ANO5: variants seen among roughly 807,000 people sequenced by gnomAD.
ANO5 encodes anoctamin-5.
A neutral mutation model predicts 121.0 loss-of-function variants in ANO5; 109 were observed. The ratio of observed to expected loss-of-function variants is 0.90; its 90% confidence interval spans 0.77 to 1.06. The LOEUF (loss-of-function observed/expected upper bound fraction) is 1.06, where lower values mean the gene tolerates loss of function less well. Among genes scored for constraint, ANO5 ranks in the 50% least tolerant of loss-of-function variants. ANO5 has a pLI of 0.00. For synonymous variants in ANO5, 406 were observed against 359.9 expected, an observed-to-expected ratio of 1.13 and a Z score of -1.45; for missense variants, 1,064 against 1,078.5, an observed-to-expected ratio of 0.99 and a Z score of 0.19.
At chr11:22,250,594 A>T (rs1054453959) in intron 10 of ANO5, 147 bp from the exon 11 acceptor site, 44 of 1,022,536 alleles carry the variant, frequency 4.3e-5, no homozygotes, top group Middle Eastern at 5.5e-4. Context: ...TCCTCAAAGC[A>T]TGACTTGACC....
intron 1 of ANO5, among the ~76,000 whole-genome samples, chr11:22,198,061 G>A (rs1449540384): frequency 6.6e-6 from 1 of 152,208 alleles, no homozygotes; most frequent in Non-Finnish European, 1.5e-5. Flanking sequence ...GTGCATACAT[G>A]TGAGAGAGCT....
At chr11:22,206,393 T>C (rs1852123064) in intron 2 of ANO5, among the ~76,000 whole-genome samples, 1 of 152,102 alleles carries the variant, frequency 6.6e-6, no homozygotes, top group Non-Finnish European at 1.5e-5. Flanking sequence ...CTTGGCTCAC[T>C]GCAACCTCCA....
Position 22,263,661 on chromosome 11 carries a change from A to T in ANO5, c.1898+618A>T, listed in dbSNP as rs568228530. Among the ~76,000 whole-genome samples the T allele has an allele frequency of 2.2e-4, 34 of 152,322 alleles. No individual in the cohort carries two copies. In the South Asian group the frequency reaches 6.8e-3, roughly 31 times the overall value. On this transcript the variant is annotated intron_variant, in intron 17 of 21. Transcript: ENST00000324559. Reference sequence around the variant, plus strand: ...AATTGTCATGGATAAAAAGAGAAAGAATTATAAAATCGTAAGTCTACGATC... The same window carrying T: ...AATTGTCATGGATAAAAAGAGAAAGTATTATAAAATCGTAAGTCTACGATC...
intron 21 of ANO5, chr11:22,277,877 T>G (rs1854926167): frequency 6.6e-6 from 1 of 150,718 alleles, no homozygotes; most frequent in Non-Finnish European, 1.5e-5. Context: ...CCATTTTTGG[T>G]TTACTAGCTT....
intron 17 of ANO5, 74 bp from the exon 18 acceptor site, chr11:22,270,238 A>G: frequency 1.3e-6 from 2 of 1,569,066 alleles, no homozygotes; most frequent in Admixed American, 1.7e-5. Context: ...CAGTTTCCAG[A>G]TCTAACACTC....
intron 2 of ANO5, among the ~76,000 whole-genome samples, chr11:22,206,989 T>C (rs778062481): frequency 5.3e-4 from 81 of 152,024 alleles, no homozygotes; most frequent in Admixed American, 1.1e-3. Flanking sequence ...GACATGACGA[T>C]GTACATAGAA....
intron 7 of ANO5, among the ~76,000 whole-genome samples, chr11:22,227,805 G>A (rs940752762): frequency 3.9e-5 from 6 of 152,046 alleles, no homozygotes; most frequent in African/African-American, 1.4e-4. Flanking sequence ...GTGGTTGATG[G>A]TATGGATGTA....
rs1403946332 is a variant in ANO5 at position 22,259,520 on chromosome 11, T to C, written c.1409T>C (p.Met470Thr). 1.9e-6 allele frequency: 3 copies of C among 1,613,830 alleles called. No homozygotes were observed. Among genetic ancestry groups the C allele is most frequent in the East Asian group, 4.5e-5 (2 of 44,870 alleles). ...FLSGATVTLWMSLVVTSMVAV... is the reference protein window; with the variant it reads ...FLSGATVTLWTSLVVTSMVAV... ...CAGTTCTTTGTTTTCCTTTCCCAGA[T>C]GTCTCTTGTCGTCACCAGTATGGTA... Residue 470 changes from methionine (M) to threonine (T), a missense_variant and splice_region_variant, in exon 15 of 22, where the codon ATG (methionine) becomes ACG (threonine). Coordinates refer to ENST00000324559, the MANE Select transcript of ANO5 (RefSeq NM_213599.3).
intron 12 of ANO5, among the ~76,000 whole-genome samples, chr11:22,251,754 C>T (rs1219653309): frequency 6.6e-6 from 1 of 151,866 alleles, no homozygotes. Flanking sequence ...CGGCCAGGCA[C>T]GGTGGCTCAT....
chr11:22,258,860 G>A lies in ANO5; in HGVS notation c.1408-659G>A, dbSNP rs563582646. On this transcript the variant is annotated intron_variant, in intron 14 of 21. Coordinates refer to ENST00000324559, the MANE Select transcript of ANO5 (RefSeq NM_213599.3). ...TTAGAAATGCAAAAGAAGGCTGGGC[G>A]CAGTGGCTCACGCCTGTAATCCCAG... Among the ~76,000 whole-genome samples the A allele has an allele frequency of 3.9e-5, 6 of 152,232 alleles. No homozygotes were observed. The East Asian group carries it at 7.7e-4, about 20-fold the overall frequency.
intron 18 of ANO5, among the ~76,000 whole-genome samples, chr11:22,270,946 G>A (rs908050902): frequency 3.9e-5 from 6 of 152,240 alleles, no homozygotes; most frequent in African/African-American, 1.4e-4. Context: ...GGTTTGAACA[G>A]AGAAGAGACC....
At chr11:22,205,328 C>T (rs909229319) in intron 2 of ANO5, among the ~76,000 whole-genome samples, 1 of 152,116 alleles carries the variant, frequency 6.6e-6, no homozygotes, top group Non-Finnish European at 1.5e-5. Flanking sequence ...CAAACCTGCA[C>T]TTGTATCTCT....
chr11:22,280,524 GAC>G lies in ANO5; in HGVS notation c.*763_*764del, dbSNP rs1038090046. The stretch of plus-strand genomic sequence containing the variant: ...AGATTGCTTCAGGTTCTCAAGCAAA[GAC>G]ACAATACAGAAGTAAATGTGTTTTC... On this transcript the variant is annotated 3_prime_UTR_variant, in exon 22 of 22. Transcript: ENST00000324559. The G allele has an allele frequency of 1.3e-5, 2 of 151,908 alleles. No individual in the cohort carries two copies. The highest frequency in any genetic ancestry group is 6.6e-5 in the Admixed American group (1 of 15,236). The allele number at this position is 151,908 out of a possible 1,614,324, so 9.4% of individuals were successfully genotyped here.
chr11:22,260,052 A>T (rs1590301548), intron 15 of ANO5, among the ~76,000 whole-genome samples: 1 of 151,894 alleles, frequency 6.6e-6, no homozygotes, highest in East Asian at 1.9e-4. Flanking sequence ...TAATCACTTT[A>T]CTGAAGACAC....
intron 7 of ANO5, among the ~76,000 whole-genome samples, chr11:22,232,107 T>G (rs967266765): frequency 2.6e-5 from 4 of 152,064 alleles, no homozygotes; most frequent in African/African-American, 9.7e-5. Flanking sequence ...TTAAATTTTA[T>G]AAAAATGCAA....
intron 9 of ANO5, among the ~76,000 whole-genome samples, chr11:22,240,149 A>G (rs1384211680): frequency 1.3e-5 from 2 of 151,636 alleles, no homozygotes; most frequent in East Asian, 1.9e-4. Context: ...AATTTGGAAC[A>G]TAAGACAAAG....
chr11:22,269,667 T>C (rs1249568763), intron 17 of ANO5, among the ~76,000 whole-genome samples: 1 of 152,136 alleles, frequency 6.6e-6, no homozygotes, highest in African/African-American at 2.4e-5. Flanking sequence ...TCTACTTTTC[T>C]TTCCTAAGTA....
At chr11:22,252,619 A>AT (rs553365879) in intron 12 of ANO5, among the ~76,000 whole-genome samples, 3 of 152,066 alleles carry the variant, frequency 2.0e-5, no homozygotes, top group Admixed American at 1.3e-4. Flanking sequence ...AATTGCAAAT[A>AT]TTTTTTTCAG....
chr11:22,240,126 C>G (rs1853379089), intron 9 of ANO5, among the ~76,000 whole-genome samples: 2 of 151,874 alleles, frequency 1.3e-5, no homozygotes. Flanking sequence ...TTTTGTTTCT[C>G]TTGGAGTCCA....
Sources: gnomAD v4.1 joint callset for allele counts (sites outside exome capture counted in the v4.1 genomes callset) on GRCh38, gnomAD v4.1.1 for gene constraint, MANE v1.5 for transcripts, NCBI Gene and HGNC (gene_info 2026-07-23, HGNC 2026-07-21) for gene names.